The following CATSPERZ variants were observed in gnomAD, a reference collection of about 807,000 sequenced individuals.
The protein encoded by CATSPERZ is catsper channel auxiliary subunit zeta, also known as cation channel sperm-associated auxiliary subunit zeta.
A neutral mutation model predicts 21.7 loss-of-function variants in CATSPERZ; 21 were observed. The ratio of observed to expected loss-of-function variants is 0.97; its 90% CI spans 0.69 to 1.39. CATSPERZ has a LOEUF of 1.39. CATSPERZ is among the 40% of genes most tolerant of loss of function. The pLI is 0.00. For missense variants in CATSPERZ, 234 were observed against 259.5 expected (o/e 0.90, Z 0.68); for synonymous variants, 127 against 108.7 (o/e 1.17, Z -1.05).
chr11:64,302,358 G>A (rs1182080229), intron 2 of CATSPERZ, among the ~76,000 whole-genome samples: 1 of 152,160 alleles, frequency 6.6e-6, no homozygotes, highest in African/African-American at 2.4e-5. Context: ...TCGGCTCACT[G>A]CAAGCTCTGC....
Position 64,300,734 on chromosome 11 carries a change from G to T in CATSPERZ, c.99G>T (p.Thr33=), listed in dbSNP as rs2034908716. 6.4e-7 allele frequency: 1 copy of T among 1,551,502 alleles called. No individual in the cohort carries two copies. Among genetic ancestry groups the T allele is most frequent in the South Asian group, 1.2e-5 (1 of 84,024 alleles). The change falls in exon 2 of 5, where the codon ACG becomes ACT. Residue 33 remains threonine, a synonymous_variant. Coordinates refer to ENST00000328404, the MANE Select transcript of CATSPERZ (RefSeq NM_001039496.2). ...VHSDTRDLWT[T]TTLSQAQLNM... Reference sequence around the variant, plus strand: ...GCGACACTCGGGACCTGTGGACCACGACCACGCTGTCCCAGGCACAGCTGA... The same window carrying T: ...GCGACACTCGGGACCTGTGGACCACTACCACGCTGTCCCAGGCACAGCTGA...
Position 64,300,997 on chromosome 11 carries a change from G to T in CATSPERZ, c.352+10G>T, listed in dbSNP as rs1308496560. ...TCCCAGATCGAGGCCGGTCAGTGTG[G>T]CCTCGCCAGGCCGTGGGCACCCGCA... is the stretch of plus-strand genomic sequence containing the variant. On this transcript the variant is annotated intron_variant, in intron 2 of 4. Transcript: ENST00000328404. 1 of 1,510,370 alleles carries T rather than the reference G, an allele frequency of 6.6e-7. No individual in the cohort carries two copies. Among genetic ancestry groups the T allele is most frequent in the Admixed American group, 2.1e-5 (1 of 47,934 alleles). 93.6% of individuals were successfully genotyped at this position (1,510,370 alleles called of 1,614,324 possible). A position where few individuals can be genotyped will look rare whatever the true frequency, so the allele number is the denominator to read the frequency against.
chr11:64,302,573 G>T (rs137937661), intron 2 of CATSPERZ, among the ~76,000 whole-genome samples: 1 of 144,084 alleles, frequency 6.9e-6, no homozygotes, highest in African/African-American at 2.6e-5. Flanking sequence ...AGCCAACCGC[G>T]CTCGGCTATT....
chr11:64,301,009 C>A lies in CATSPERZ; in HGVS notation c.352+22C>A. ...GCCGGTCAGTGTGGCCTCGCCAGGC[C>A]GTGGGCACCCGCAGGGCAATAAGCT... On this transcript the variant is annotated intron_variant, in intron 2 of 4. Coordinates refer to ENST00000328404, the MANE Select transcript of CATSPERZ (RefSeq NM_001039496.2). The A allele has an allele frequency of 2.0e-6, 3 of 1,495,086 alleles. No homozygotes were observed. The East Asian group carries it at 7.4e-5, about 37-fold the overall frequency. 92.6% of individuals were successfully genotyped at this position (1,495,086 alleles called of 1,614,324 possible).
intron 2 of CATSPERZ, among the ~76,000 whole-genome samples, chr11:64,303,058 C>T (rs774734819): frequency 6.6e-6 from 1 of 151,612 alleles, no homozygotes; most frequent in Non-Finnish European, 1.5e-5. Flanking sequence ...TGCCAGCAAG[C>T]CCGGCTAATT....
rs756178375 is a variant in CATSPERZ, at chr11:64,303,602, G to T, written c.432+41G>T. On this transcript the variant is annotated intron_variant, in intron 3 of 4. Transcript: ENST00000328404. ...GAGACTGGGCGTTTCGGTGGGGTAG[G>T]GGATAGGCAAATTGGGGGTTGATAG... 2.9e-5 allele frequency: 46 copies of T among 1,589,918 alleles called. 1 individual carries two copies. The South Asian group carries it at 4.9e-4, about 17-fold the overall frequency.
Position 64,304,736 on chromosome 11 carries a change from T to C in CATSPERZ, c.*90T>C. On this transcript the variant is annotated 3_prime_UTR_variant, in exon 5 of 5. Coordinates refer to ENST00000328404, the MANE Select transcript of CATSPERZ (RefSeq NM_001039496.2). The stretch of plus-strand genomic sequence containing the variant: ...AAGCCTGACCCCATCCGAGTGGAAT[T>C]TGAGTCCTAAAGAAATAAAAGAGTC... 9.1e-7 allele frequency: 1 copy of C among 1,099,024 alleles called. No individual in the cohort carries two copies. Among genetic ancestry groups the C allele is most frequent in the East Asian group, 2.6e-5 (1 of 38,846 alleles). 68.1% of individuals were successfully genotyped at this position (1,099,024 alleles called of 1,614,324 possible).
intron 2 of CATSPERZ, among the ~76,000 whole-genome samples, chr11:64,301,677 G>GT (rs1245437277): frequency 6.6e-6 from 1 of 151,460 alleles, no homozygotes; most frequent in African/African-American, 2.4e-5. Flanking sequence ...CCCGGCCTTT[G>GT]TTTTTTAGAG....
In CATSPERZ at chr11:64,300,772, C is replaced by T. The variant is rs950415650; in HGVS notation, c.137C>T (p.Ser46Phe). 9.7e-6 allele frequency: 15 copies of T among 1,554,140 alleles called. No homozygotes were observed. Among genetic ancestry groups the T allele is most frequent in the Non-Finnish European group, 1.2e-5 (14 of 1,149,148 alleles). The change falls in exon 2 of 5, where the codon TCC (serine) becomes TTC (phenylalanine). Residue 46 changes from serine (S) to phenylalanine (F), a missense_variant. Physicochemically the swap from Ser to Phe is radical, Grantham distance 155. Transcript: ENST00000328404. ...LSQAQLNMPL[S>F]EVCEGFDEEG... ...CAGGCACAGCTGAACATGCCGCTGT[C>T]CGAGGTCTGCGAGGGCTTCGACGAG...
intron 2 of CATSPERZ, 80 bp downstream of exon 2, chr11:64,301,067 G>T (rs1406739850): frequency 1.2e-5 from 15 of 1,290,004 alleles, no homozygotes; most frequent in Non-Finnish European, 1.6e-5. Context: ...GCTGTAAAAT[G>T]GGGGGAAGCT....
At chr11:64,300,620 C>A (rs2034906002) in intron 1 of CATSPERZ, 37 bp from the exon 2 acceptor site, 5 of 1,515,272 alleles carry the variant, frequency 3.3e-6, no homozygotes, top group Non-Finnish European at 4.4e-6. Flanking sequence ...TCCAGCCATC[C>A]GCGACCCTTG....
chr11:64,302,886 C>CTTT (rs71045759), intron 2 of CATSPERZ, among the ~76,000 whole-genome samples: 2 of 122,458 alleles, frequency 1.6e-5, no homozygotes, highest in African/African-American at 6.3e-5. Context: ...AAGAGCTGTT[C>CTTT]TTTTTTTTTT....
rs748084916 is a variant in CATSPERZ, at chr11:64,303,450, C to T, written c.353-32C>T. 23 of 1,579,078 alleles carry T rather than the reference C, an allele frequency of 1.5e-5. No individual in the cohort carries two copies. The African/African-American group carries it at 1.9e-4, about 13-fold the overall frequency. ...GCTCCAGGGAAGGCCCAGGAGTCTG[C>T]GGATGACTAACCCTTTTTTCTCTTC... On this transcript the variant is annotated intron_variant, in intron 2 of 4. Coordinates refer to ENST00000328404, the MANE Select transcript of CATSPERZ (RefSeq NM_001039496.2).
rs1284135617 is a variant in CATSPERZ at position 64,300,713 on chromosome 11, C to T, written c.78C>T (p.Asp26=). The change falls in exon 2 of 5, where the codon GAC becomes GAT. Residue 26 remains aspartate (D), a synonymous_variant. Coordinates refer to ENST00000328404, the MANE Select transcript of CATSPERZ (RefSeq NM_001039496.2). ...QGSDEESVHS[D]TRDLWTTTTL... is the part of the protein sequence containing the mutation. ...CGGACGAGGAGAGCGTGCATAGCGA[C>T]ACTCGGGACCTGTGGACCACGACCA... 10 of 1,549,464 alleles carry T rather than the reference C, an allele frequency of 6.5e-6. No homozygotes were observed. In the Admixed American group the frequency reaches 2.0e-4, roughly 30 times the overall value.
At chr11:64,304,455 G>T in intron 4 of CATSPERZ, 88 bp from the exon 5 acceptor site, 1 of 963,082 alleles carries the variant, frequency 1.0e-6, no homozygotes, top group Non-Finnish European at 1.6e-6. Context: ...AATCATCTGC[G>T]GTTCCTCGAA....
intron 4 of CATSPERZ, 120 bp downstream of exon 4, chr11:64,303,959 T>A: frequency 1.1e-6 from 1 of 943,402 alleles, no homozygotes; most frequent in Non-Finnish European, 1.6e-6. Flanking sequence ...CCCTTGGCAC[T>A]CACAAGTATT....
intron 2 of CATSPERZ, 31 bp from the exon 3 acceptor site, chr11:64,303,451 G>A (rs759150740): frequency 2.5e-5 from 39 of 1,585,376 alleles, no homozygotes; most frequent in Non-Finnish European, 3.0e-5. Context: ...AGGAGTCTGC[G>A]GATGACTAAC....
Position 64,304,479 on chromosome 11 carries a change from GC to G in CATSPERZ, c.500-59del, listed in dbSNP as rs2034983183. 4.7e-6 allele frequency: 6 copies of G among 1,277,526 alleles called. No homozygotes were observed. In the Admixed American group the frequency reaches 9.3e-5, roughly 20 times the overall value. The allele number at this position is 1,277,526 out of a possible 1,614,324, so 79.1% of individuals were successfully genotyped here. ...CGGTTCCTCGAATCACACATGCGGCGCCCCCTGGTGGGGAGACCTTTCGGTT... is the reference window on the plus strand; with the variant it reads ...CGGTTCCTCGAATCACACATGCGGCGCCCCTGGTGGGGAGACCTTTCGGTT... On this transcript the variant is annotated intron_variant, in intron 4 of 4. Transcript: ENST00000328404.
rs1421235243 is a variant in CATSPERZ, at chr11:64,300,783, G to T, written c.148G>T (p.Glu50Ter). The T allele has an allele frequency of 1.3e-6, 2 of 1,555,402 alleles. No homozygotes were observed. Among genetic ancestry groups the T allele is most frequent in the African/African-American group, 1.4e-5 (1 of 73,288 alleles). The stretch of plus-strand genomic sequence containing the variant: ...GAACATGCCGCTGTCCGAGGTCTGC[G>T]AGGGCTTCGACGAGGAGGGCCGCAA... ...QLNMPLSEVC[E>*]GFDEEGRNIS... Residue 50 changes from glutamate to a stop codon, truncating the protein, a stop_gained, in exon 2 of 5, where the codon GAG becomes TAG. Coordinates refer to ENST00000328404, the MANE Select transcript of CATSPERZ (RefSeq NM_001039496.2). LOFTEE classifies it high-confidence loss of function.
Sources: gnomAD v4.1 joint callset for allele counts (sites outside exome capture counted in the v4.1 genomes callset) on GRCh38, gnomAD v4.1.1 for gene constraint, MANE v1.5 for transcripts, NCBI Gene and HGNC (gene_info 2026-07-23, HGNC 2026-07-21) for gene names.